The following SLC25A21 variants were observed in gnomAD, a reference collection of about 807,000 sequenced individuals.
SLC25A21 encodes the protein solute carrier family 25 member 21, also known as mitochondrial 2-oxodicarboxylate carrier.
Under a neutral mutation model 43.8 loss-of-function variants are expected in SLC25A21, and 47 were observed. The ratio of observed to expected loss-of-function variants is 1.07; its 90% CI spans 0.85 to 1.37. SLC25A21 has a LOEUF of 1.37. Ranked by LOEUF, SLC25A21 falls within the 40% of genes most tolerant of loss-of-function variation. The pLI is 0.00. For synonymous variants in SLC25A21, 131 were observed against 121.3 expected, an observed-to-expected ratio of 1.08 and a Z score of -0.52; for missense variants, 352 against 350.2, an observed-to-expected ratio of 1.00 and a Z score of -0.04.
At chr14:36,944,295 A>C (rs1892633486) in intron 1 of SLC25A21, among the ~76,000 whole-genome samples, 1 of 152,168 alleles carries the variant, frequency 6.6e-6, no homozygotes, top group African/African-American at 2.4e-5. Flanking sequence ...AGTAGCAGAC[A>C]AAAGTGATTG....
intron 1 of SLC25A21, among the ~76,000 whole-genome samples, chr14:37,099,573 C>T (rs534898851): frequency 3.2e-4 from 49 of 152,184 alleles, no homozygotes; most frequent in African/African-American, 1.1e-3. Context: ...TTTTGGTAGA[C>T]CCTGCCAGGA....
chr14:37,111,935 G>T (rs554097356), intron 1 of SLC25A21, among the ~76,000 whole-genome samples: 1 of 152,098 alleles, frequency 6.6e-6, no homozygotes, highest in Admixed American at 6.6e-5. Context: ...AGGACAAATC[G>T]TGAAATGGAA....
At chr14:36,788,400 C>T (rs1330908586) in intron 3 of SLC25A21, among the ~76,000 whole-genome samples, 2 of 151,348 alleles carry the variant, frequency 1.3e-5, no homozygotes, top group Admixed American at 6.6e-5. Flanking sequence ...AGCTGCAAAC[C>T]GCTGCCACTG....
chr14:36,957,908 T>C (rs1399813496), intron 1 of SLC25A21, among the ~76,000 whole-genome samples: 1 of 152,240 alleles, frequency 6.6e-6, no homozygotes, highest in Non-Finnish European at 1.5e-5. Context: ...TTATTCTATA[T>C]ATCTTTTTCT....
At position 36,776,230 on chromosome 14, in the gene SLC25A21, C is replaced by CTTTT. The variant is rs1328087696; in HGVS notation, c.203+37687_203+37688insAAAA. Among the ~76,000 whole-genome samples the CTTTT allele has an allele frequency of 1.6e-3, 112 of 70,808 alleles. 20 individuals are homozygous for CTTTT. Among genetic ancestry groups the CTTTT allele is most frequent in the South Asian group, 6.6e-3 (15 of 2,272 alleles). 46.5% of individuals were successfully genotyped at this position (70,808 alleles called of 152,430 possible). On this transcript the variant is annotated intron_variant, in intron 3 of 9. Coordinates refer to ENST00000331299, the MANE Select transcript of SLC25A21 (RefSeq NM_030631.4). Reference sequence around the variant, plus strand: ...ACTGCTTTCTTTTTTCTTTTTCTTTCTTTCTTTCTTTTTTTTTTTTTTTTG... The same window carrying CTTTT: ...ACTGCTTTCTTTTTTCTTTTTCTTTCTTTTTTTCTTTCTTTTTTTTTTTTTTTTG...
intron 1 of SLC25A21, among the ~76,000 whole-genome samples, chr14:36,911,264 C>T (rs1300679478): frequency 6.6e-6 from 1 of 152,172 alleles, no homozygotes; most frequent in Admixed American, 6.5e-5. Context: ...TTCATTAACT[C>T]ACTGCTGGCA....
intron 1 of SLC25A21, among the ~76,000 whole-genome samples, chr14:37,139,753 A>G (rs1248004620): frequency 6.6e-6 from 1 of 152,210 alleles, no homozygotes; most frequent in East Asian, 1.9e-4. Flanking sequence ...ATTCCCTTCA[A>G]GACTTTATAA....
chr14:36,794,687 T>G (rs144603988), intron 3 of SLC25A21, among the ~76,000 whole-genome samples: 3,364 of 151,648 alleles, frequency 0.022, 99 homozygotes, highest in African/African-American at 0.074. Context: ...GAGAATCGCT[T>G]GAATCTGGGA....
At chr14:37,113,404 T>C (rs780395202) in intron 1 of SLC25A21, among the ~76,000 whole-genome samples, 1 of 152,142 alleles carries the variant, frequency 6.6e-6, no homozygotes, top group Non-Finnish European at 1.5e-5. Flanking sequence ...GATTACAAGA[T>C]TGTGTACACA....
At chr14:37,018,625 A>T (rs1960915077) in intron 1 of SLC25A21, among the ~76,000 whole-genome samples, 1 of 151,914 alleles carries the variant, frequency 6.6e-6, no homozygotes, top group Non-Finnish European at 1.5e-5. Flanking sequence ...AGTCTCCACC[A>T]CATTTTACCT....
chr14:36,879,934 T>C (rs1890662100), intron 1 of SLC25A21, among the ~76,000 whole-genome samples: 1 of 152,182 alleles, frequency 6.6e-6, no homozygotes, highest in Non-Finnish European at 1.5e-5. Context: ...ATGTTTTTCT[T>C]CCGTAAGGAC....
chr14:37,157,647 T>A (rs1194522708), intron 1 of SLC25A21, among the ~76,000 whole-genome samples: 2 of 151,866 alleles, frequency 1.3e-5, no homozygotes, highest in Non-Finnish European at 2.9e-5. Flanking sequence ...GCAGAAAGAC[T>A]ACAAGTTGAC....
intron 2 of SLC25A21, among the ~76,000 whole-genome samples, chr14:36,873,566 G>T (rs1203954566): frequency 6.6e-6 from 1 of 152,122 alleles, no homozygotes; most frequent in African/African-American, 2.4e-5. Context: ...AAAGTGCTAG[G>T]ATTACAGGCG....
chr14:36,703,068 G>C (rs977652382), intron 7 of SLC25A21, among the ~76,000 whole-genome samples: 1 of 152,164 alleles, frequency 6.6e-6, no homozygotes, highest in Non-Finnish European at 1.5e-5. Flanking sequence ...AGAAAGGAGA[G>C]TTTTTCTTAA....
At chr14:36,907,679 A>C (rs1034271310) in intron 1 of SLC25A21, among the ~76,000 whole-genome samples, 1 of 152,178 alleles carries the variant, frequency 6.6e-6, no homozygotes, top group African/African-American at 2.4e-5. Context: ...AGATGGAACT[A>C]AGAGTGGTAA....
chr14:37,099,492 T>A (rs1962775291), intron 1 of SLC25A21, among the ~76,000 whole-genome samples: 1 of 152,154 alleles, frequency 6.6e-6, no homozygotes, highest in African/African-American at 2.4e-5. Flanking sequence ...TTCTTAGTAG[T>A]CAATGTAGTA....
intron 1 of SLC25A21, among the ~76,000 whole-genome samples, chr14:36,991,283 C>T (rs11849964): frequency 0.088 from 13,330 of 152,174 alleles, 666 homozygotes; most frequent in African/African-American, 0.13. Context: ...GGTGACCACC[C>T]GATTCAAGGT....
At chr14:36,873,953 T>C (rs1455578351) in intron 2 of SLC25A21, among the ~76,000 whole-genome samples, 1 of 152,174 alleles carries the variant, frequency 6.6e-6, no homozygotes, top group Non-Finnish European at 1.5e-5. Flanking sequence ...TGAATGTCTG[T>C]TGTTTAAGCC....
At chr14:37,093,556 C>T (rs1223438874) in intron 1 of SLC25A21, among the ~76,000 whole-genome samples, 1 of 152,228 alleles carries the variant, frequency 6.6e-6, no homozygotes, top group African/African-American at 2.4e-5. Flanking sequence ...AGAAGACTGA[C>T]ACGTGACTAA....
Sources: allele counts gnomAD v4.1 joint callset (sites outside exome capture counted in the v4.1 genomes callset), GRCh38; gene constraint gnomAD v4.1.1; transcripts MANE v1.5; gene names NCBI Gene and HGNC (gene_info 2026-07-23, HGNC 2026-07-21).